PRELID2: variants seen among roughly 807,000 people sequenced by gnomAD.
PRELID2 encodes PRELI domain containing 2.
PRELID2 carries 25 observed loss-of-function variants against 28.4 expected under a neutral mutation model. The observed-to-expected ratio is 0.88, with a 90% CI of 0.64 to 1.23. PRELID2 has a LOEUF of 1.23. Ranked by LOEUF, PRELID2 falls within the 50% of genes most tolerant of loss-of-function variation. The probability of loss-of-function intolerance (pLI) is 0.00; values close to 1 mark genes in which losing one functional copy is unlikely to be tolerated. For synonymous variants in PRELID2, 76 were observed against 71.6 expected, an observed-to-expected ratio of 1.06 and a Z score of -0.31; for missense variants, 201 against 214.4, an observed-to-expected ratio of 0.94 and a Z score of 0.39.
At chr5:145,641,973 A>G (rs1754115354) in intron 1 of PRELID2, among the ~76,000 whole-genome samples, 1 of 152,182 alleles carries the variant, frequency 6.6e-6, no homozygotes, top group South Asian at 2.1e-4. Flanking sequence ...CGCAATATAC[A>G]TACGTGTGCA....
chr5:145,595,169 C>CACACACAT (rs61131780), intron 1 of PRELID2, among the ~76,000 whole-genome samples: 8,298 of 148,590 alleles, frequency 0.056, 781 homozygotes, highest in African/African-American at 0.19. Flanking sequence ...TAGACACACA[C>CACACACAT]ACACACACAC....
At chr5:145,358,170 G>A in the PRELID2 span, among the ~76,000 whole-genome samples, 1 of 152,150 alleles carries the variant, frequency 6.6e-6, no homozygotes, top group South Asian at 2.1e-4. Context: ...GCTTCTCAGG[G>A]GAACACAGGG....
At chr5:145,544,654 T>C (rs369456798) in intron 1 of PRELID2, among the ~76,000 whole-genome samples, 11 of 152,078 alleles carry the variant, frequency 7.2e-5, no homozygotes, top group African/African-American at 2.7e-4. Context: ...TCTGTGGTGG[T>C]GTGTGTCTCT....
rs532736502 is a variant in PRELID2 at position 145,688,769 on chromosome 5, C to A, written n.70+76162G>T. 8.1e-4 allele frequency among the ~76,000 whole-genome samples: 124 copies of A among 152,260 alleles called. 1 individual carries two copies. The highest frequency in any genetic ancestry group is 2.9e-3 in the African/African-American group (119 of 41,544). Reference sequence around the variant, plus strand: ...AGGTGCAAACTTGCAAACGATGCAACTATAAAATCAGGCAGGAGGCAAAGG... The same window carrying A: ...AGGTGCAAACTTGCAAACGATGCAAATATAAAATCAGGCAGGAGGCAAAGG... On this transcript the variant is annotated intron_variant and non_coding_transcript_variant, in intron 1 of 2. Coordinates refer to the PRELID2 transcript ENST00000510259.
chr5:145,426,406 A>G, the PRELID2 span, among the ~76,000 whole-genome samples: 1 of 152,214 alleles, frequency 6.6e-6, no homozygotes, highest in Non-Finnish European at 1.5e-5. Flanking sequence ...CTTAAATGGC[A>G]AAGACTCTGA....
chr5:145,286,944 AG>A, the PRELID2 span, among the ~76,000 whole-genome samples: 1 of 152,070 alleles, frequency 6.6e-6, no homozygotes, highest in Non-Finnish European at 1.5e-5. Flanking sequence ...TCCTGACCTC[AG>A]GTGATCTGCC....
At chr5:145,604,032 CTA>C (rs1753457283) in intron 1 of PRELID2, among the ~76,000 whole-genome samples, 1 of 151,816 alleles carries the variant, frequency 6.6e-6, no homozygotes, top group African/African-American at 2.4e-5. Context: ...AGTAATGACA[CTA>C]TATATAAATA....
chr5:145,375,934 T>C, the PRELID2 span, among the ~76,000 whole-genome samples: 6 of 152,228 alleles, frequency 3.9e-5, no homozygotes, highest in African/African-American at 1.2e-4. Flanking sequence ...GGCTGCTATG[T>C]TGAATAGAAG....
chr5:145,295,788 A>G, the PRELID2 span, among the ~76,000 whole-genome samples: 1 of 152,164 alleles, frequency 6.6e-6, no homozygotes, highest in Non-Finnish European at 1.5e-5. Context: ...TCTTATCTAC[A>G]TGTATTTATT....
chr5:145,546,443 A>C (rs1345400594), intron 1 of PRELID2, among the ~76,000 whole-genome samples: 1 of 152,206 alleles, frequency 6.6e-6, no homozygotes, highest in East Asian at 1.9e-4. Flanking sequence ...GAAAGGATAC[A>C]TATGCCCCCT....
At chr5:145,688,594 T>G (rs1755083127) in intron 1 of PRELID2, among the ~76,000 whole-genome samples, 1 of 152,190 alleles carries the variant, frequency 6.6e-6, no homozygotes, top group Admixed American at 6.5e-5. Flanking sequence ...ACATCTCTGC[T>G]GATGCATAAA....
At chr5:145,534,382 T>G (rs1031399977) in intron 1 of PRELID2, among the ~76,000 whole-genome samples, 1 of 152,084 alleles carries the variant, frequency 6.6e-6, no homozygotes, top group Non-Finnish European at 1.5e-5. Flanking sequence ...CAGTCTTAAC[T>G]ATTTCACTTT....
At chr5:145,420,016 A>G in the PRELID2 span, among the ~76,000 whole-genome samples, 15 of 151,648 alleles carry the variant, frequency 9.9e-5, no homozygotes, top group Admixed American at 1.3e-4. Flanking sequence ...GTTTTTCTCA[A>G]GTTTGTCAAA....
chr5:145,481,186 CA>C (rs1248236118), intron 1 of PRELID2, among the ~76,000 whole-genome samples: 1 of 152,074 alleles, frequency 6.6e-6, no homozygotes, highest in Admixed American at 6.6e-5. Context: ...CTTTCTGGGC[CA>C]ATGGGAATGT....
At chr5:145,826,466 T>C (rs1407684861) in intron 1 of PRELID2, among the ~76,000 whole-genome samples, 3 of 152,198 alleles carry the variant, frequency 2.0e-5, no homozygotes, top group Non-Finnish European at 4.4e-5. Context: ...TTATGGATGA[T>C]TTAAGGGATT....
the PRELID2 span, among the ~76,000 whole-genome samples, chr5:145,377,623 C>T: frequency 3.6e-4 from 54 of 152,074 alleles, no homozygotes; most frequent in African/African-American, 1.1e-3. Context: ...ATGCAATGTC[C>T]TTCTTTGTCT....
intron 4 of PRELID2, among the ~76,000 whole-genome samples, chr5:145,798,836 C>T (rs338899): frequency 0.94 from 143,555 of 152,112 alleles, 67,753 homozygotes; most frequent in East Asian, 1. Flanking sequence ...GATCACTTGG[C>T]CACAGAGTGG....
At chr5:145,277,023 AT>A in the PRELID2 span, among the ~76,000 whole-genome samples, 843 of 152,148 alleles carry the variant, frequency 5.5e-3, 14 homozygotes, top group East Asian at 0.063. Flanking sequence ...GCCTGTTCTG[AT>A]TTTTATGAAT....
At chr5:145,701,053 C>A (rs1036888747) in intron 1 of PRELID2, among the ~76,000 whole-genome samples, 9 of 152,224 alleles carry the variant, frequency 5.9e-5, no homozygotes, top group African/African-American at 9.6e-5. Context: ...GGTGCCACTG[C>A]AGGCTCAGGC....
Sources: gnomAD v4.1 joint callset for allele counts (sites outside exome capture counted in the v4.1 genomes callset) on GRCh38, gnomAD v4.1.1 for gene constraint, MANE v1.5 for transcripts, NCBI Gene and HGNC (gene_info 2026-07-23, HGNC 2026-07-21) for gene names.